Variants in EPCAM observed in about 807,000 individuals in gnomAD.
EPCAM encodes the protein epithelial cell adhesion molecule.
EPCAM carries 39 observed loss-of-function variants against 40.0 expected under a neutral mutation model. That is an observed-to-expected ratio of 0.98 (90% CI 0.76 to 1.27). EPCAM has a LOEUF of 1.27. EPCAM is among the 50% of genes most tolerant of loss of function. The pLI, the probability that EPCAM is intolerant of heterozygous loss-of-function variation, is 0.00. For missense variants in EPCAM, 503 were observed against 381.2 expected (o/e 1.32, Z -2.66); for synonymous variants, 168 against 132.3 (o/e 1.27, Z -1.85).
chr2:47,373,788 C>CA lies in EPCAM; in HGVS notation c.185-19dup. Reference sequence around the variant, plus strand: ...TGAAATCAGTTATTTTTCAGTTTGGCATTAAGGTTTCTTTTTCAGTGGCTG... The same window carrying CA: ...TGAAATCAGTTATTTTTCAGTTTGGCAATTAAGGTTTCTTTTTCAGTGGCTG... On this transcript the variant is annotated intron_variant, in intron 2 of 8. Coordinates refer to ENST00000263735, the MANE Select transcript of EPCAM (RefSeq NM_002354.3). 1 of 1,613,710 alleles carries CA rather than the reference C, an allele frequency of 6.2e-7. No individual in the cohort carries two copies. Among genetic ancestry groups the CA allele is most frequent in the Non-Finnish European group, 8.5e-7 (1 of 1,179,882 alleles).
At chr2:47,374,715 C>G (rs1312498766) in intron 3 of EPCAM, among the ~76,000 whole-genome samples, 1 of 152,026 alleles carries the variant, frequency 6.6e-6, no homozygotes, top group Non-Finnish European at 1.5e-5. Context: ...ACAATCTCAG[C>G]TCACTGCAAC....
At position 47,386,670 on chromosome 2, in the gene EPCAM, ATG is replaced by A; in HGVS notation, c.*64_*65del. ...AATAGCAAATGGACACAAATTACAA[ATG>A]TGTGTGCGTGGGACGAAGACATCTT... On this transcript the variant is annotated 3_prime_UTR_variant, in exon 9 of 9. Coordinates refer to ENST00000263735, the MANE Select transcript of EPCAM (RefSeq NM_002354.3). 1 of 1,337,826 alleles carries A rather than the reference ATG, an allele frequency of 7.5e-7. No individual in the cohort carries two copies. Among genetic ancestry groups the A allele is most frequent in the Non-Finnish European group, 1.1e-6 (1 of 930,396 alleles). 82.9% of individuals were successfully genotyped at this position (1,337,826 alleles called of 1,614,324 possible).
At chr2:47,385,799 G>A (rs931006907) in intron 8 of EPCAM, among the ~76,000 whole-genome samples, 2 of 152,146 alleles carry the variant, frequency 1.3e-5, no homozygotes, top group Admixed American at 6.6e-5. Flanking sequence ...AAATAGAAAC[G>A]TAAAGGAATA....
At position 47,373,905 on chromosome 2, in the gene EPCAM, T is replaced by G. The variant is rs779487392; in HGVS notation, c.282T>G (p.Leu94=). The G allele has an allele frequency of 6.2e-7, 1 of 1,614,146 alleles. No individual in the cohort carries two copies. ...PEGALQNNDG[L]YDPDCDESGL... is the part of the protein sequence containing the mutation. ...GGGCCCTCCAGAACAATGATGGGCT[T>G]TATGATCCTGACTGCGATGAGAGCG... The change falls in exon 3 of 9, where the codon CTT becomes CTG. Residue 94 remains leucine, a synonymous_variant. Coordinates refer to ENST00000263735, the MANE Select transcript of EPCAM (RefSeq NM_002354.3).
chr2:47,381,461 A>C (rs550151859), intron 7 of EPCAM, among the ~76,000 whole-genome samples: 1 of 151,256 alleles, frequency 6.6e-6, no homozygotes, highest in Non-Finnish European at 1.5e-5. Context: ...GAGGGTATTT[A>C]GGAACTTAGA....
At chr2:47,386,079 T>A (rs1671736530) in intron 8 of EPCAM, among the ~76,000 whole-genome samples, 1 of 152,190 alleles carries the variant, frequency 6.6e-6, no homozygotes, top group African/African-American at 2.4e-5. Flanking sequence ...GTTGCAAGGA[T>A]TAAACATAAT....
At chr2:47,373,660 G>A (rs2103746376) in intron 2 of EPCAM, 90 bp downstream of exon 2, 1 of 1,433,472 alleles carries the variant, frequency 7.0e-7, no homozygotes, top group Non-Finnish European at 9.7e-7. Context: ...AGTTTTATTG[G>A]CTTAAATCTG....
intron 1 of EPCAM, among the ~76,000 whole-genome samples, chr2:47,371,016 A>G (rs533660255): frequency 5.9e-5 from 9 of 151,634 alleles, no homozygotes; most frequent in Non-Finnish European, 8.8e-5. Flanking sequence ...CCAGCCGAAT[A>G]TTTGTATTTG....
Position 47,386,974 on chromosome 2 carries a change from C to A in EPCAM, c.*361C>A. The A allele has an allele frequency of 4.2e-6, 1 of 237,652 alleles. No individual in the cohort carries two copies. The highest frequency in any genetic ancestry group is 8.2e-6 in the Non-Finnish European group (1 of 121,804). 14.7% of individuals were successfully genotyped at this position (237,652 alleles called of 1,614,324 possible). A position where few individuals can be genotyped will look rare whatever the true frequency, so the allele number is the denominator to read the frequency against. ...CCTTTCTATTTACTTGAGTCTTGTA[C>A]ATACATACTTTTTTATGAGCTATGA... On this transcript the variant is annotated 3_prime_UTR_variant, in exon 9 of 9. Coordinates refer to ENST00000263735, the MANE Select transcript of EPCAM (RefSeq NM_002354.3).
chr2:47,384,340 G>A (rs1473678042), intron 7 of EPCAM, among the ~76,000 whole-genome samples: 1 of 151,756 alleles, frequency 6.6e-6, no homozygotes, highest in Non-Finnish European at 1.5e-5. Flanking sequence ...CTGACCTAAA[G>A]TGATCCACCC....
chr2:47,386,583 G>A lies in EPCAM; in HGVS notation c.915G>A (p.Met305Ile), dbSNP rs758824634. 1.1e-5 allele frequency: 17 copies of A among 1,606,488 alleles called. No individual in the cohort carries two copies. The highest frequency in any genetic ancestry group is 8.5e-6 in the Non-Finnish European group (10 of 1,174,522). Residue 305 changes from methionine (M) to isoleucine (I), a missense_variant, in exon 9 of 9, where the codon ATG becomes ATA. Met to Ile is a conservative substitution (Grantham distance 10, BLOSUM62 1). Transcript: ENST00000263735. ...TTTTCCTGTTTCAGATAAAGGAGATGGGTGAGATGCATAGGGAACTCAATG... is the reference window on the plus strand; with the variant it reads ...TTTTCCTGTTTCAGATAAAGGAGATAGGTGAGATGCATAGGGAACTCAATG... ...AKYEKAEIKE[M>I]GEMHRELNA
In EPCAM at chr2:47,375,233, G is replaced by C. The variant is rs373597944; in HGVS notation, c.426-1G>C. 6.2e-7 allele frequency: 1 copy of C among 1,603,312 alleles called. No individual in the cohort carries two copies. The highest frequency in any genetic ancestry group is 8.5e-7 in the Non-Finnish European group (1 of 1,170,454). On this transcript the variant is annotated splice_acceptor_variant, in intron 3 of 8. Transcript: ENST00000263735. LOFTEE classifies it high-confidence loss of function. ...ACTGACATTGTCTTTTTACTTTATA[G>C]CTGGATCATCATTGAACTAAAACAC...
rs192213322 is a variant in EPCAM, at chr2:47,385,830, C to G, written c.903+620C>G. 1.1e-4 allele frequency among the ~76,000 whole-genome samples: 16 copies of G among 152,262 alleles called. No homozygotes were observed. In the East Asian group the frequency reaches 3.1e-3, roughly 29 times the overall value. ...GAATATTGGAAAAAGTCTAATGGAA[C>G]CAGAAAGTTCTAGCATTTTTTTCCC... is the stretch of plus-strand genomic sequence containing the variant. On this transcript the variant is annotated intron_variant, in intron 8 of 8. Coordinates refer to ENST00000263735, the MANE Select transcript of EPCAM (RefSeq NM_002354.3).
chr2:47,374,781 C>G (rs1485945875), intron 3 of EPCAM, among the ~76,000 whole-genome samples: 2 of 151,994 alleles, frequency 1.3e-5, no homozygotes, highest in African/African-American at 2.4e-5. Flanking sequence ...GTAGCTGGGA[C>G]TACAGCTATA....
chr2:47,385,570 CATT>C (rs905580047), intron 8 of EPCAM, among the ~76,000 whole-genome samples: 3 of 152,158 alleles, frequency 2.0e-5, no homozygotes, highest in Admixed American at 1.3e-4. Flanking sequence ...GTGAAATAAT[CATT>C]TAATATGAAC....
In EPCAM at chr2:47,383,607, CTTT is replaced by C. The variant is rs760722807; in HGVS notation, c.859-1516_859-1514del. ...CATGAGCCACTGTGCCCGGCTTCTT[CTTT>C]TTTTTTTTTTTTTTTTTTTTTTTTT... On this transcript the variant is annotated intron_variant, in intron 7 of 8. Coordinates refer to ENST00000263735, the MANE Select transcript of EPCAM (RefSeq NM_002354.3). Among the ~76,000 whole-genome samples the C allele has an allele frequency of 7.4e-4, 27 of 36,460 alleles. 1 individual carries two copies. Among genetic ancestry groups the C allele is most frequent in the East Asian group, 1.2e-3 (2 of 1,658 alleles). The allele number at this position is 36,460 out of a possible 152,430, so 23.9% of individuals were successfully genotyped here.
chr2:47,374,732 C>T (rs1294617373), intron 3 of EPCAM, among the ~76,000 whole-genome samples: 4 of 152,030 alleles, frequency 2.6e-5, no homozygotes, highest in African/African-American at 9.7e-5. Context: ...CAACCTCTGC[C>T]TCCCGGGTTC....
In EPCAM at chr2:47,376,008, A is replaced by G. The variant is rs1386692404; in HGVS notation, c.491+709A>G. On this transcript the variant is annotated intron_variant, in intron 4 of 8. Transcript: ENST00000263735. ...TGTGAGCTTCCGCGCCCGGCCAGGA[A>G]ATTTAACGTTATATCACGTTGTGCC... is the stretch of plus-strand genomic sequence containing the variant. 2.6e-5 allele frequency among the ~76,000 whole-genome samples: 4 copies of G among 151,940 alleles called. No homozygotes were observed. In the South Asian group the frequency reaches 6.2e-4, roughly 24 times the overall value.
At chr2:47,378,461 C>A (rs1489111817) in intron 5 of EPCAM, among the ~76,000 whole-genome samples, 5 of 151,854 alleles carry the variant, frequency 3.3e-5, no homozygotes, top group African/African-American at 1.2e-4. Flanking sequence ...TGTCACCACG[C>A]CTGGCTAATT....
Sources: allele counts gnomAD v4.1 joint callset (sites outside exome capture counted in the v4.1 genomes callset), GRCh38; gene constraint gnomAD v4.1.1; transcripts MANE v1.5; gene names NCBI Gene and HGNC (gene_info 2026-07-23, HGNC 2026-07-21).